AGPS: variants seen among roughly 807,000 people sequenced by gnomAD.
The protein encoded by AGPS is alkyldihydroxyacetonephosphate synthase, peroxisomal.
AGPS carries 26 observed loss-of-function variants against 90.7 expected under a neutral mutation model. The ratio of observed to expected loss-of-function variants is 0.29; its 90% CI spans 0.21 to 0.40. The LOEUF is 0.40. AGPS is among the 10% of genes least tolerant of loss of function. The probability of loss-of-function intolerance (pLI) is 1.00; values close to 1 mark genes in which losing one functional copy is unlikely to be tolerated. For missense variants in AGPS, 540 were observed against 816.1 expected, an observed-to-expected ratio of 0.66 and a Z score of 4.12; for synonymous variants, 294 against 285.3, an observed-to-expected ratio of 1.03 and a Z score of -0.31.
intron 11 of AGPS, among the ~76,000 whole-genome samples, chr2:177,486,176 G>T (rs1297492713): frequency 1.3e-5 from 2 of 152,132 alleles, no homozygotes; most frequent in Non-Finnish European, 2.9e-5. Context: ...CTCGAGCATT[G>T]CTCTTAATAA....
At chr2:177,497,040 T>TA (rs1399736337) in intron 12 of AGPS, among the ~76,000 whole-genome samples, 1 of 152,050 alleles carries the variant, frequency 6.6e-6, no homozygotes, top group Non-Finnish European at 1.5e-5. Flanking sequence ...GTTGAGTCGT[T>TA]ACTACTTTCT....
intron 19 of AGPS, among the ~76,000 whole-genome samples, chr2:177,536,749 C>T (rs1162896470): frequency 6.6e-6 from 1 of 151,976 alleles, no homozygotes; most frequent in African/African-American, 2.4e-5. Context: ...ACCAGCAATA[C>T]CTTTTTATTT....
intron 1 of AGPS, among the ~76,000 whole-genome samples, chr2:177,410,435 G>T (rs1297723330): frequency 6.6e-6 from 1 of 152,116 alleles, no homozygotes; most frequent in Admixed American, 6.5e-5. Flanking sequence ...TGGAGGACTA[G>T]GTAAGCATGC....
At chr2:177,394,671 C>G (rs57867889) in intron 1 of AGPS, among the ~76,000 whole-genome samples, 1 of 152,162 alleles carries the variant, frequency 6.6e-6, no homozygotes, top group South Asian at 2.1e-4. Context: ...TCCACTACAC[C>G]GTTACAGCTC....
At chr2:177,479,680 A>G (rs922646647) in intron 10 of AGPS, among the ~76,000 whole-genome samples, 1 of 152,252 alleles carries the variant, frequency 6.6e-6, no homozygotes, top group African/African-American at 2.4e-5. Context: ...AAGGCCAGAT[A>G]TTATGAGATT....
At chr2:177,490,846 CTT>C (rs61555724) in intron 11 of AGPS, among the ~76,000 whole-genome samples, 5 of 58,200 alleles carry the variant, frequency 8.6e-5, no homozygotes, top group African/African-American at 1.3e-4. Flanking sequence ...AAGTTGCAGA[CTT>C]TTTTTTTTTT....
chr2:177,497,815 T>G (rs1323607294), intron 13 of AGPS, 50 bp downstream of exon 13: 1 of 1,022,900 alleles, frequency 9.8e-7, no homozygotes, highest in Non-Finnish European at 1.5e-6. Flanking sequence ...AGATATCTGT[T>G]TTCTGCTTTC....
At chr2:177,435,830 C>G (rs1008522608) in intron 3 of AGPS, among the ~76,000 whole-genome samples, 4 of 152,160 alleles carry the variant, frequency 2.6e-5, no homozygotes, top group African/African-American at 9.7e-5. Flanking sequence ...TCTAGCCATG[C>G]TATTAGGTGC....
At chr2:177,420,146 C>A in intron 1 of AGPS, 123 bp from the exon 2 acceptor site, 1 of 666,344 alleles carries the variant, frequency 1.5e-6, no homozygotes, top group South Asian at 1.8e-5. Context: ...TTTTATTTAA[C>A]CTTATACAAT....
chr2:177,428,844 C>T (rs935187709), intron 2 of AGPS, among the ~76,000 whole-genome samples: 1 of 152,004 alleles, frequency 6.6e-6, no homozygotes, highest in Non-Finnish European at 1.5e-5. Context: ...GGACTTCCTG[C>T]ATTTGAATGT....
intron 17 of AGPS, among the ~76,000 whole-genome samples, chr2:177,514,119 A>G (rs1471220545): frequency 1.3e-5 from 2 of 152,138 alleles, no homozygotes; most frequent in Non-Finnish European, 2.9e-5. Flanking sequence ...CCCTTCTGTG[A>G]GTAAGCCTTC....
chr2:177,412,177 G>C (rs1409426474), intron 1 of AGPS, among the ~76,000 whole-genome samples: 1 of 152,168 alleles, frequency 6.6e-6, no homozygotes, highest in Non-Finnish European at 1.5e-5. Flanking sequence ...GTATCTAGGA[G>C]GCAGGGATCA....
At chr2:177,428,649 A>G (rs1364499777) in intron 2 of AGPS, among the ~76,000 whole-genome samples, 3 of 151,866 alleles carry the variant, frequency 2.0e-5, no homozygotes, top group Non-Finnish European at 4.4e-5. Context: ...TTGGCCCCCA[A>G]TCTCTTCTGG....
At chr2:177,412,919 G>A (rs552647697) in intron 1 of AGPS, among the ~76,000 whole-genome samples, 15 of 152,288 alleles carry the variant, frequency 9.8e-5, no homozygotes, top group South Asian at 6.2e-4. Context: ...TAGCCCGATC[G>A]GGAGTGGCAA....
intron 8 of AGPS, among the ~76,000 whole-genome samples, chr2:177,449,759 A>G (rs956672422): frequency 6.6e-6 from 1 of 151,984 alleles, no homozygotes; most frequent in African/African-American, 2.4e-5. Flanking sequence ...TTCTCTAATG[A>G]CTAGTGATGT....
intron 2 of AGPS, among the ~76,000 whole-genome samples, chr2:177,433,979 A>C (rs1686316009): frequency 6.6e-6 from 1 of 152,162 alleles, no homozygotes; most frequent in African/African-American, 2.4e-5. Context: ...GAAGACTGTA[A>C]ATTTTCAGCA....
chr2:177,537,929 G>C, intron 19 of AGPS, 145 bp from the exon 20 acceptor site: 1 of 1,136,116 alleles, frequency 8.8e-7, no homozygotes, highest in Non-Finnish European at 1.3e-6. Context: ...AGTCTGGTGG[G>C]CTCAATAAAT....
At chr2:177,488,191 C>CT (rs1688151024) in intron 11 of AGPS, among the ~76,000 whole-genome samples, 1 of 151,314 alleles carries the variant, frequency 6.6e-6, no homozygotes. Flanking sequence ...AACAGATTAT[C>CT]TTTTTTTACA....
rs370832942 is a variant in AGPS at position 177,431,103 on chromosome 2, G to A, written c.351-3224G>A. Among the ~76,000 whole-genome samples the A allele has an allele frequency of 1.6e-3, 245 of 152,176 alleles. 1 individual carries two copies. The highest frequency in any genetic ancestry group is 5.4e-3 in the African/African-American group (223 of 41,520). ...ATAGGTTCTATTTTCCCTAAGTGTC[G>A]GCTGGTCTGAGAAATAAACAGAAAG... is the stretch of plus-strand genomic sequence containing the variant. On this transcript the variant is annotated intron_variant, in intron 2 of 19. Coordinates refer to ENST00000264167, the MANE Select transcript of AGPS (RefSeq NM_003659.4).
Sources: gnomAD v4.1 joint callset for allele counts (sites outside exome capture counted in the v4.1 genomes callset) on GRCh38, gnomAD v4.1.1 for gene constraint, MANE v1.5 for transcripts, NCBI Gene and HGNC (gene_info 2026-07-23, HGNC 2026-07-21) for gene names.